The following SYNDIG1 variants were observed in gnomAD, a reference collection of about 807,000 sequenced individuals.
The protein encoded by SYNDIG1 is synapse differentiation inducing 1, also known as synapse differentiation-inducing gene protein 1.
A neutral mutation model predicts 19.4 loss-of-function variants in SYNDIG1; 9 were observed. The ratio of observed to expected loss-of-function variants is 0.46; its 90% CI spans 0.28 to 0.81. The LOEUF is 0.81. Ranked by LOEUF, SYNDIG1 falls within the 30% of genes least tolerant of loss-of-function variation. The pLI, the probability that SYNDIG1 is intolerant of heterozygous loss-of-function variation, is 0.12. For missense variants in SYNDIG1, 311 were observed against 343.3 expected, an observed-to-expected ratio of 0.91 and a Z score of 0.74; for synonymous variants, 141 against 145.9, an observed-to-expected ratio of 0.97 and a Z score of 0.24.
rs924604675 is a variant in SYNDIG1 at position 24,543,188 on chromosome 20, T to G, written c.91T>G (p.Leu31Val). The G allele has an allele frequency of 6.2e-7, 1 of 1,614,038 alleles. No individual in the cohort carries two copies. Among genetic ancestry groups the G allele is most frequent in the African/African-American group, 1.3e-5 (1 of 75,004 alleles). The change falls in exon 2 of 4, where the codon TTG becomes GTG. Residue 31 changes from leucine to valine, a missense_variant. Transcript: ENST00000376862. ...GAATGGTTTAATTAACACCAGAAAC[T>G]TGATGGCCGAGAGCAGAGATGGTCT... ...KRNGLINTRNLMAESRDGLVS... is the reference protein window; with the variant it reads ...KRNGLINTRNVMAESRDGLVS...
chr20:24,574,206 G>A (rs1044859552), intron 2 of SYNDIG1, among the ~76,000 whole-genome samples: 3 of 151,970 alleles, frequency 2.0e-5, no homozygotes, highest in African/African-American at 4.8e-5. Context: ...GGCGGGGCAC[G>A]GTGGCTCACA....
intron 2 of SYNDIG1, among the ~76,000 whole-genome samples, chr20:24,572,320 G>C (rs2058156958): frequency 6.6e-6 from 1 of 152,240 alleles, no homozygotes; most frequent in Non-Finnish European, 1.5e-5. Context: ...GGCGTGAGGG[G>C]ATGTGGCCAG....
chr20:24,500,527 T>C (rs571798625), intron 1 of SYNDIG1, among the ~76,000 whole-genome samples: 2 of 144,020 alleles, frequency 1.4e-5, no homozygotes, highest in South Asian at 2.3e-4. Context: ...TCTTTCTTTC[T>C]TTCTTCTTTC....
chr20:24,485,931 G>A (rs899318974), intron 1 of SYNDIG1, among the ~76,000 whole-genome samples: 5 of 152,214 alleles, frequency 3.3e-5, no homozygotes, highest in African/African-American at 7.2e-5. Flanking sequence ...CCCCCCAGGA[G>A]ATGTCTTTGG....
At chr20:24,627,144 G>GGAAAGGGAGAGC (rs2059159225) in intron 3 of SYNDIG1, among the ~76,000 whole-genome samples, 2 of 103,350 alleles carry the variant, frequency 1.9e-5, no homozygotes, top group Non-Finnish European at 4.9e-5. Flanking sequence ...AGAGGGAGAG[G>GGAAAGGGAGAGC]GAGAGGGAGA....
intron 1 of SYNDIG1, among the ~76,000 whole-genome samples, chr20:24,532,360 A>G (rs570519631): frequency 1.3e-5 from 2 of 152,334 alleles, no homozygotes; most frequent in Admixed American, 6.5e-5. Context: ...GAAGGCAGTC[A>G]TGAGAGGCCA....
chr20:24,615,184 C>A (rs1170152273), intron 3 of SYNDIG1, among the ~76,000 whole-genome samples: 1 of 152,224 alleles, frequency 6.6e-6, no homozygotes, highest in East Asian at 1.9e-4. Flanking sequence ...TTTGTCCACC[C>A]TAATAGCCTG....
chr20:24,615,029 A>C (rs1434003206), intron 3 of SYNDIG1, among the ~76,000 whole-genome samples: 2 of 152,260 alleles, frequency 1.3e-5, no homozygotes, highest in East Asian at 3.8e-4. Context: ...TCAGTGGCCT[A>C]CTTTAATAAG....
intron 2 of SYNDIG1, among the ~76,000 whole-genome samples, chr20:24,544,860 G>T (rs921180457): frequency 6.6e-6 from 1 of 152,186 alleles, no homozygotes; most frequent in Non-Finnish European, 1.5e-5. Context: ...GTATGAGTTT[G>T]TGTGAAGATC....
chr20:24,646,080 G>C (rs1026567074), intron 3 of SYNDIG1, among the ~76,000 whole-genome samples: 5 of 152,180 alleles, frequency 3.3e-5, no homozygotes, highest in African/African-American at 1.2e-4. Context: ...TCACATCTGA[G>C]CCCCTCTTCA....
chr20:24,477,774 T>C (rs1235393663), intron 1 of SYNDIG1, among the ~76,000 whole-genome samples: 3 of 152,138 alleles, frequency 2.0e-5, no homozygotes, highest in Admixed American at 1.3e-4. Flanking sequence ...GCCATGGCTC[T>C]GGGAGATATT....
At chr20:24,586,380 A>C (rs1436853317) in intron 3 of SYNDIG1, among the ~76,000 whole-genome samples, 1 of 152,202 alleles carries the variant, frequency 6.6e-6, no homozygotes, top group Non-Finnish European at 1.5e-5. Flanking sequence ...ATGGGGTGGG[A>C]AGCCTGACTC....
At chr20:24,536,346 G>A (rs982827765) in intron 1 of SYNDIG1, among the ~76,000 whole-genome samples, 1 of 152,184 alleles carries the variant, frequency 6.6e-6, no homozygotes, top group Non-Finnish European at 1.5e-5. Context: ...GAGGCAGGGA[G>A]GAGTTGGGCA....
intron 3 of SYNDIG1, among the ~76,000 whole-genome samples, 175 bp downstream of exon 3, chr20:24,585,168 C>T (rs936385019): frequency 2.6e-5 from 4 of 152,264 alleles, no homozygotes; most frequent in African/African-American, 7.2e-5. Context: ...ACCCTGGGGC[C>T]GGGAGGAGGC....
chr20:24,529,909 T>C (rs373397777), intron 1 of SYNDIG1, among the ~76,000 whole-genome samples: 1 of 32,308 alleles, frequency 3.1e-5, no homozygotes, highest in African/African-American at 1.2e-4. Context: ...ATGGTAGTAC[T>C]CCTGGTGATG....
intron 1 of SYNDIG1, among the ~76,000 whole-genome samples, chr20:24,516,512 T>TCC: frequency 6.6e-6 from 1 of 152,326 alleles, no homozygotes; most frequent in South Asian, 2.1e-4. Context: ...GTGAAGGATA[T>TCC]GAACAGACAC....
chr20:24,631,843 A>G (rs902377434), intron 3 of SYNDIG1, among the ~76,000 whole-genome samples: 2 of 152,248 alleles, frequency 1.3e-5, no homozygotes, highest in African/African-American at 4.8e-5. Flanking sequence ...TAATAAAATA[A>G]GCTTCTGTGG....
intron 2 of SYNDIG1, among the ~76,000 whole-genome samples, chr20:24,580,249 G>A (rs1240584725): frequency 1.3e-5 from 2 of 152,156 alleles, no homozygotes; most frequent in African/African-American, 4.8e-5. Context: ...GTTGGTATTT[G>A]TGTGGCCTCT....
intron 2 of SYNDIG1, among the ~76,000 whole-genome samples, chr20:24,574,112 AT>A (rs1013349804): frequency 1.3e-5 from 2 of 152,118 alleles, no homozygotes; most frequent in African/African-American, 4.8e-5. Flanking sequence ...CTTTGCTGAG[AT>A]CACCTCCCAA....
Sources: gnomAD v4.1 joint callset for allele counts (sites outside exome capture counted in the v4.1 genomes callset) on GRCh38, gnomAD v4.1.1 for gene constraint, MANE v1.5 for transcripts, NCBI Gene and HGNC (gene_info 2026-07-23, HGNC 2026-07-21) for gene names.